The following ENG variants were observed in gnomAD, a reference collection of about 807,000 sequenced individuals.
ENG encodes the protein endoglin, also known as CD105 antigen.
In ENG, 17 loss-of-function variants were observed where a neutral mutation model predicts 71.0. The observed-to-expected ratio is 0.24, with a 90% CI of 0.16 to 0.36. ENG has a LOEUF of 0.36. ENG is among the 10% of genes least tolerant of loss of function. ENG has a pLI of 1.00. For synonymous variants in ENG, 360 were observed against 366.9 expected (o/e 0.98, Z 0.21); for missense variants, 749 against 868.3 (o/e 0.86, Z 1.73).
Position 127,815,483 on chromosome 9 carries a change from G to A in ENG, c.*199C>T, listed in dbSNP as rs1830283195. 9.5e-7 allele frequency: 1 copy of A among 1,057,820 alleles called. No homozygotes were observed. The highest frequency in any genetic ancestry group is 1.3e-6 in the Non-Finnish European group (1 of 757,478). The allele number at this position is 1,057,820 out of a possible 1,614,324, so 65.5% of individuals were successfully genotyped here. ...ACCCACTGGGTTGAAGGTTCTGTGG[G>A]GTGGAGGGACCCCAAGGTGTTCCAA... On this transcript the variant is annotated 3_prime_UTR_variant, in exon 15 of 15. Transcript: ENST00000373203.
At position 127,854,644 on chromosome 9, in the gene ENG, T is replaced by A. The variant is rs538284289; in HGVS notation, c.-289A>T. 567 of 505,550 alleles carry A rather than the reference T, an allele frequency of 1.1e-3. 1 individual carries two copies. Among genetic ancestry groups the A allele is most frequent in the Non-Finnish European group, 1.6e-3 (447 of 286,782 alleles). The allele number at this position is 505,550 out of a possible 1,614,324, so 31.3% of individuals were successfully genotyped here. On this transcript the variant is annotated 5_prime_UTR_variant, in exon 1 of 15. Coordinates refer to ENST00000373203, the MANE Select transcript of ENG (RefSeq NM_001114753.3). ...AGCAGTCCTGGCCCCAGGGCGCAGATGAAGGCTGTGGTATGACCGGCAGCA... is the reference window on the plus strand; with the variant it reads ...AGCAGTCCTGGCCCCAGGGCGCAGAAGAAGGCTGTGGTATGACCGGCAGCA...
intron 7 of ENG, 37 bp from the exon 8 acceptor site, chr9:127,824,483 C>G: frequency 6.6e-6 from 10 of 1,510,252 alleles, no homozygotes; most frequent in Non-Finnish European, 9.1e-6. Context: ...CGGCTGGTCA[C>G]TGTGTGATCA....
At chr9:127,839,517 G>GA (rs760851085) in intron 2 of ENG, among the ~76,000 whole-genome samples, 1 of 152,188 alleles carries the variant, frequency 6.6e-6, no homozygotes, top group Non-Finnish European at 1.5e-5. Flanking sequence ...TTGCCCTGCT[G>GA]AAAATGAATT....
chr9:127,852,717 G>A (rs1456777200), intron 1 of ENG, among the ~76,000 whole-genome samples: 5 of 152,058 alleles, frequency 3.3e-5, no homozygotes, highest in Admixed American at 6.6e-5. Flanking sequence ...AGGTGCTACC[G>A]GGCACTGATT....
intron 10 of ENG, 62 bp downstream of exon 10, chr9:127,819,560 G>A (rs1830422479): frequency 1.2e-6 from 2 of 1,608,080 alleles, no homozygotes; most frequent in Middle Eastern, 4.3e-4. Flanking sequence ...AGGCCAGGAA[G>A]AGGCCCCGGC....
chr9:127,815,815 GGGAGCGGGGGCA>G lies in ENG; in HGVS notation c.1853-21_1853-10del. On this transcript the variant is annotated splice_polypyrimidine_tract_variant and intron_variant, in intron 14 of 14. Coordinates refer to ENST00000373203, the MANE Select transcript of ENG (RefSeq NM_001114753.3). Reference sequence around the variant, plus strand: ...CCGCTTGCTGGGGGAACCTGGGAGCGGGAGCGGGGGCAGGGGCGGAGGTCAGGGTCCTGGCCA... The same window carrying G: ...CCGCTTGCTGGGGGAACCTGGGAGCGGGGGCGGAGGTCAGGGTCCTGGCCA... The G allele has an allele frequency of 6.5e-7, 1 of 1,547,014 alleles. No individual in the cohort carries two copies.
rs1216268545 is a variant in ENG, at chr9:127,836,168, A to G, written c.220-6341T>C. On this transcript the variant is annotated intron_variant, in intron 2 of 14. Coordinates refer to ENST00000373203, the MANE Select transcript of ENG (RefSeq NM_001114753.3). This position sits in a 1 kb window ranked among gnomAD's most constrained non-coding sequence, Gnocchi z 4.0. ...CTTCTCTCCCGGCCGGGGGCCCCAGAGGCAAAAAACGATGGCGCCAGCCTT... is the reference window on the plus strand; with the variant it reads ...CTTCTCTCCCGGCCGGGGGCCCCAGGGGCAAAAAACGATGGCGCCAGCCTT... Among the ~76,000 whole-genome samples, 1 of 152,148 alleles carries G rather than the reference A, an allele frequency of 6.6e-6. No homozygotes were observed. Among genetic ancestry groups the G allele is most frequent in the Admixed American group, 6.5e-5 (1 of 15,276 alleles).
intron 1 of ENG, among the ~76,000 whole-genome samples, chr9:127,847,718 T>C (rs951653664): frequency 4.6e-5 from 7 of 152,052 alleles, no homozygotes; most frequent in Admixed American, 1.3e-4. Context: ...CCAAGGAAGA[T>C]ACGTTTCAAC....
intron 2 of ENG, among the ~76,000 whole-genome samples, chr9:127,831,577 G>A (rs1354812211): frequency 2.6e-5 from 4 of 151,454 alleles, no homozygotes; most frequent in African/African-American, 9.7e-5. Flanking sequence ...TAGTAGAGAC[G>A]GGGTTTCACC....
intron 3 of ENG, among the ~76,000 whole-genome samples, chr9:127,828,168 C>A (rs1247795398): frequency 1.3e-5 from 2 of 151,986 alleles, no homozygotes; most frequent in Admixed American, 1.3e-4. Context: ...CTAGAATGGC[C>A]CATCTAGAAG....
chr9:127,819,296 A>AT (rs1325437509), intron 10 of ENG: 7 of 384,526 alleles, frequency 1.8e-5, no homozygotes, highest in Non-Finnish European at 3.4e-5. Context: ...GGCTGTGTGA[A>AT]GAGCTTCCAC....
chr9:127,824,222 G>C, intron 8 of ENG, 82 bp downstream of exon 8: 2 of 1,607,360 alleles, frequency 1.2e-6, no homozygotes, highest in Non-Finnish European at 1.7e-6. Context: ...CCCTGCCTGG[G>C]CTAGGACCCC....
At chr9:127,820,698 G>A (rs1649292638) in intron 8 of ENG, among the ~76,000 whole-genome samples, 1 of 150,888 alleles carries the variant, frequency 6.6e-6, no homozygotes. Context: ...GCGTGGTGGC[G>A]GGCTCCCGTA....
chr9:127,829,867 A>T, intron 2 of ENG, 40 bp from the exon 3 acceptor site: 1 of 1,612,742 alleles, frequency 6.2e-7, no homozygotes, highest in South Asian at 1.1e-5. Flanking sequence ...GTCCAGTCAG[A>T]TTTGTATAGG....
intron 2 of ENG, among the ~76,000 whole-genome samples, chr9:127,841,716 C>T (rs534036659): frequency 6.6e-6 from 1 of 152,268 alleles, no homozygotes; most frequent in Non-Finnish European, 1.5e-5. Context: ...GCTGACACGG[C>T]GAAGTCAGTA....
intron 2 of ENG, among the ~76,000 whole-genome samples, chr9:127,832,093 T>TTTTTTTTA (rs1196863428): frequency 1.4e-5 from 2 of 145,356 alleles, no homozygotes; most frequent in African/African-American, 2.6e-5. Context: ...TTTTTTTTTT[T>TTTTTTTTA]GAGACAGAGT....
chr9:127,818,607 C>T (rs1830392092), intron 11 of ENG, 109 bp downstream of exon 11: 2 of 1,418,244 alleles, frequency 1.4e-6, no homozygotes, highest in Non-Finnish European at 2.0e-6. Context: ...CAGGCTGTCT[C>T]CCTCCTGACT....
At chr9:127,816,950 A>T in intron 13 of ENG, 199 bp downstream of exon 13, 1 of 656,548 alleles carries the variant, frequency 1.5e-6, no homozygotes, top group Non-Finnish European at 2.7e-6. Flanking sequence ...AGGGCTCTCC[A>T]TCTGCAAAGT....
rs1294039942 is a variant in ENG at position 127,854,479 on chromosome 9, G to A, written c.-124C>T. 1.6e-5 allele frequency: 17 copies of A among 1,056,856 alleles called. No individual in the cohort carries two copies. Among genetic ancestry groups the A allele is most frequent in the Middle Eastern group, 2.9e-4 (1 of 3,456 alleles). The allele number at this position is 1,056,856 out of a possible 1,614,324, so 65.5% of individuals were successfully genotyped here. The stretch of plus-strand genomic sequence containing the variant: ...GAGGGGAGCAGGCGGCCGGAGCGAC[G>A]GCGTCCCTGCTCCAGCCTTCTGGGG... On this transcript the variant is annotated 5_prime_UTR_variant, in exon 1 of 15. Coordinates refer to ENST00000373203, the MANE Select transcript of ENG (RefSeq NM_001114753.3).
Sources: allele counts gnomAD v4.1 joint callset (sites outside exome capture counted in the v4.1 genomes callset), GRCh38; gene constraint gnomAD v4.1.1; non-coding constraint Gnocchi (gnomAD v3.1); transcripts MANE v1.5; gene names NCBI Gene and HGNC (gene_info 2026-07-23, HGNC 2026-07-21).